Variants in DOCK7 observed in about 807,000 individuals in gnomAD.
DOCK7 encodes dedicator of cytokinesis protein 7.
DOCK7 carries 138 observed loss-of-function variants against 271.0 expected under a neutral mutation model. The ratio of observed to expected loss-of-function variants is 0.51; its 90% CI spans 0.44 to 0.59. The LOEUF is 0.59. Ranked by LOEUF, DOCK7 falls within the 20% of genes least tolerant of loss-of-function variation. The probability of loss-of-function intolerance (pLI) is 0.00; values close to 1 mark genes in which losing one functional copy is unlikely to be tolerated. For synonymous variants in DOCK7, 823 were observed against 876.1 expected (o/e 0.94, Z 1.07); for missense variants, 2,066 against 2,592.4 (o/e 0.80, Z 4.41).
intron 4 of DOCK7, among the ~76,000 whole-genome samples, chr1:62,650,501 A>C (rs1657202311): frequency 6.6e-6 from 1 of 152,222 alleles, no homozygotes. Flanking sequence ...ATCAGAGTGA[A>C]CAGGCAACCT....
rs369056481 is a variant in DOCK7, at chr1:62,529,378, G to A, written c.3680C>T (p.Pro1227Leu). 27 of 1,613,674 alleles carry A rather than the reference G, an allele frequency of 1.7e-5. No individual in the cohort carries two copies. The highest frequency in any genetic ancestry group is 4.5e-5 in the East Asian group (2 of 44,818). ...HNLLSSHDSDPRYSDPQIKAR... is the reference protein window; with the variant it reads ...HNLLSSHDSDLRYSDPQIKAR... ...CTTTATCTGAGGGTCAGAGTACCGC[G>A]GGTCTGAGTCGTGACTGGAGAGTAA... The change falls in exon 30 of 50, where the codon CCG (proline) becomes CTG (leucine). Residue 1227 changes from proline to leucine, a missense_variant. Transcript: ENST00000635253.
chr1:62,543,627 C>T, intron 24 of DOCK7, 29 bp downstream of exon 24: 1 of 1,501,128 alleles, frequency 6.7e-7, no homozygotes, highest in Non-Finnish European at 9.2e-7. Context: ...TATTTTCCCC[C>T]TCTATGAATT....
At chr1:62,622,275 G>A (rs979634359) in intron 12 of DOCK7, among the ~76,000 whole-genome samples, 3 of 152,142 alleles carry the variant, frequency 2.0e-5, no homozygotes, top group African/African-American at 7.2e-5. Flanking sequence ...CTAGTTCACT[G>A]GAGTAGTCTA....
chr1:62,485,543 TG>T (rs1402389295), intron 43 of DOCK7: 5 of 985,264 alleles, frequency 5.1e-6, no homozygotes, highest in Non-Finnish European at 6.0e-6. Context: ...TTCAATCCAG[TG>T]AAAGATCTAC....
At chr1:62,650,996 G>A (rs558986217) in intron 4 of DOCK7, among the ~76,000 whole-genome samples, 36 of 152,154 alleles carry the variant, frequency 2.4e-4, no homozygotes, top group African/African-American at 6.7e-4. Context: ...ACATGCACAC[G>A]TATGTTTACT....
At chr1:62,468,547 T>G (rs1427792123) in intron 48 of DOCK7, among the ~76,000 whole-genome samples, 1 of 152,014 alleles carries the variant, frequency 6.6e-6, no homozygotes, top group East Asian at 1.9e-4. Context: ...AACATAGTAC[T>G]GGAAGTCCTA....
chr1:62,597,553 A>C lies in DOCK7; in HGVS notation c.1683-10929T>G, dbSNP rs10449755. 7.7e-4 allele frequency: 1,234 copies of C among 1,612,086 alleles called. 8 individuals are homozygous for C. In the African/African-American group the frequency reaches 0.013, roughly 17 times the overall value. The stretch of plus-strand genomic sequence containing the variant: ...ACAGTTCCACGTTGCTTGAAATTGA[A>C]AATCAAGATAAAAATGTTCACAATT... On this transcript the variant is annotated intron_variant, in intron 14 of 49. Coordinates refer to ENST00000635253, the MANE Select transcript of DOCK7 (RefSeq NM_001367561.1).
At chr1:62,494,062 C>G (rs992875423) in intron 40 of DOCK7, among the ~76,000 whole-genome samples, 2 of 152,094 alleles carry the variant, frequency 1.3e-5, no homozygotes, top group African/African-American at 4.8e-5. Flanking sequence ...GCTGATAATT[C>G]AGAGGTAAGA....
chr1:62,559,659 C>A (rs914545795), intron 19 of DOCK7, among the ~76,000 whole-genome samples: 4 of 152,098 alleles, frequency 2.6e-5, no homozygotes, highest in African/African-American at 9.7e-5. Context: ...CTATATACTA[C>A]CAACTTTCTT....
At chr1:62,461,677 TAAATAAAATAAAATAAAATAAAATA>T (rs71045843) in intron 48 of DOCK7, among the ~76,000 whole-genome samples, 5,459 of 134,946 alleles carry the variant, frequency 0.04, 255 homozygotes, top group African/African-American at 0.12. Context: ...TCTCAAAAAA[TAAATAAAATAAAATAAAATAAAATA>T]AAATAAAATA....
chr1:62,681,293 C>T (rs1661110161), intron 1 of DOCK7, among the ~76,000 whole-genome samples: 1 of 149,606 alleles, frequency 6.7e-6, no homozygotes. Flanking sequence ...GGACAGAAAA[C>T]CAAACACCAC....
chr1:62,462,431 A>T (rs1393986569), intron 48 of DOCK7, among the ~76,000 whole-genome samples: 1 of 152,260 alleles, frequency 6.6e-6, no homozygotes, highest in Non-Finnish European at 1.5e-5. Context: ...ACATTAGCTG[A>T]AAGAGAGATA....
intron 18 of DOCK7, among the ~76,000 whole-genome samples, chr1:62,571,951 T>C (rs1011514202): frequency 2.0e-5 from 3 of 152,066 alleles, no homozygotes; most frequent in Non-Finnish European, 1.5e-5. Flanking sequence ...AGCTAATGCA[T>C]GCTGGGCTTA....
At chr1:62,635,088 T>C (rs772234664) in intron 8 of DOCK7, 166 bp from the exon 9 acceptor site, 22 of 426,044 alleles carry the variant, frequency 5.2e-5, no homozygotes, top group Non-Finnish European at 7.1e-5. Flanking sequence ...CTTAATAAAT[T>C]AAATTTCTAT....
chr1:62,556,148 C>T (rs113675913), intron 20 of DOCK7, among the ~76,000 whole-genome samples, 159 bp from the exon 21 acceptor site: 4 of 152,160 alleles, frequency 2.6e-5, no homozygotes, highest in Non-Finnish European at 5.9e-5. Flanking sequence ...TTTAATTACA[C>T]GTTGCATTAG....
chr1:62,594,579 A>G (rs1442928161), intron 14 of DOCK7, among the ~76,000 whole-genome samples: 8 of 152,072 alleles, frequency 5.3e-5, no homozygotes, highest in African/African-American at 1.7e-4. Flanking sequence ...ATTAACTAAA[A>G]AAGGGGCTAC....
At chr1:62,646,083 G>A (rs1416598935) in intron 7 of DOCK7, among the ~76,000 whole-genome samples, 1 of 150,992 alleles carries the variant, frequency 6.6e-6, no homozygotes, top group Non-Finnish European at 1.5e-5. Flanking sequence ...GGAGGCGGAG[G>A]TTGCAGTAAG....
chr1:62,479,710 G>T (rs1419085519), intron 43 of DOCK7: 2 of 372,234 alleles, frequency 5.4e-6, no homozygotes, highest in African/African-American at 2.1e-5. Context: ...TTGAGACAGG[G>T]TCTCACTCCA....
At chr1:62,503,773 C>T (rs971858529) in intron 37 of DOCK7, among the ~76,000 whole-genome samples, 7 of 151,960 alleles carry the variant, frequency 4.6e-5, no homozygotes, top group Non-Finnish European at 8.8e-5. Context: ...AGCAGCCAGG[C>T]GCGGTGGCTC....
Sources: gnomAD v4.1 joint callset for allele counts (sites outside exome capture counted in the v4.1 genomes callset) on GRCh38, gnomAD v4.1.1 for gene constraint, MANE v1.5 for transcripts, NCBI Gene and HGNC (gene_info 2026-07-23, HGNC 2026-07-21) for gene names.